INPP5A: variants seen among roughly 807,000 people sequenced by gnomAD.
INPP5A encodes 43 kDa inositol polyphosphate 5-phophatase.
A neutral mutation model predicts 65.2 loss-of-function variants in INPP5A; 14 were observed. That is an observed-to-expected ratio of 0.21 (90% CI 0.14 to 0.34). INPP5A has a LOEUF of 0.34. INPP5A is among the 10% of genes least tolerant of loss of function. The pLI is 1.00. For missense variants in INPP5A, 431 were observed against 545.6 expected (o/e 0.79, Z 2.09); for synonymous variants, 207 against 208.3 (o/e 0.99, Z 0.05).
chr10:132,670,927 C>A (rs12266208), intron 4 of INPP5A, among the ~76,000 whole-genome samples: 1 of 148,424 alleles, frequency 6.7e-6, no homozygotes, highest in East Asian at 2.0e-4. Flanking sequence ...AAACTGCAAA[C>A]GGCGGTGACG....
intron 8 of INPP5A, among the ~76,000 whole-genome samples, chr10:132,711,951 A>T (rs922922069): frequency 6.6e-6 from 1 of 152,090 alleles, no homozygotes; most frequent in African/African-American, 2.4e-5. Context: ...GTCCATGTGG[A>T]GGGGTCCGTG....
chr10:132,623,110 C>T (rs1254702492), intron 2 of INPP5A, among the ~76,000 whole-genome samples: 1 of 152,168 alleles, frequency 6.6e-6, no homozygotes, highest in East Asian at 1.9e-4. Flanking sequence ...AAAATCTCAG[C>T]AGGATTTTTT....
chr10:132,681,694 A>G (rs2073047963), intron 4 of INPP5A, among the ~76,000 whole-genome samples: 1 of 152,232 alleles, frequency 6.6e-6, no homozygotes, highest in African/African-American at 2.4e-5. Context: ...TTATTCAAAA[A>G]GTTAAAAATA....
intron 6 of INPP5A, among the ~76,000 whole-genome samples, chr10:132,699,032 T>C (rs1480659512): frequency 6.6e-6 from 1 of 152,232 alleles, no homozygotes; most frequent in African/African-American, 2.4e-5. Context: ...TCGGTCCTGC[T>C]TCCGGCACCG....
chr10:132,680,605 T>C (rs2073029484), intron 4 of INPP5A, among the ~76,000 whole-genome samples: 1 of 152,234 alleles, frequency 6.6e-6, no homozygotes, highest in Non-Finnish European at 1.5e-5. Flanking sequence ...TGGGAGCCCC[T>C]TTCTGGGCTG....
intron 1 of INPP5A, among the ~76,000 whole-genome samples, chr10:132,600,336 G>C (rs1179316318): frequency 6.6e-6 from 1 of 152,142 alleles, no homozygotes. Flanking sequence ...TAGGGCACGG[G>C]CAAAATGCTG....
In INPP5A at chr10:132,637,811, T is replaced by G. The variant is rs189621818; in HGVS notation, c.118-8057T>G. Among the ~76,000 whole-genome samples the G allele has an allele frequency of 2.0e-5, 3 of 152,316 alleles. No homozygotes were observed. The highest frequency in any genetic ancestry group is 7.2e-5 in the African/African-American group (3 of 41,562). ...CTCGACTGCTTGAGTAGATTTGATT[T>G]TATCTGCAATGTGGGCTCCCGTCCT... On this transcript the variant is annotated intron_variant, in intron 2 of 15. Coordinates refer to ENST00000368594, the MANE Select transcript of INPP5A (RefSeq NM_005539.5). The surrounding 1 kb of genome is among the most constrained non-coding windows in gnomAD (Gnocchi z 4.1).
chr10:132,740,376 T>G (rs1373435664), intron 9 of INPP5A, among the ~76,000 whole-genome samples: 7 of 152,108 alleles, frequency 4.6e-5, no homozygotes, highest in African/African-American at 1.4e-4. Context: ...TGGGAGCCTC[T>G]TAGTGAATTC....
rs183895166 is a variant in INPP5A, at chr10:132,578,272, G to A, written c.76-29643G>A. Among the ~76,000 whole-genome samples, 157 of 152,222 alleles carry A rather than the reference G, an allele frequency of 1.0e-3. 1 individual carries two copies. Among genetic ancestry groups the A allele is most frequent in the Admixed American group, 1.8e-3 (28 of 15,296 alleles). On this transcript the variant is annotated intron_variant, in intron 1 of 15. Coordinates refer to ENST00000368594, the MANE Select transcript of INPP5A (RefSeq NM_005539.5). ...GCATTGAAGGTTCAAGGGTCCAGGCGCTCCACCTCTGCCCCTGTGGCTGTG... is the reference window on the plus strand; with the variant it reads ...GCATTGAAGGTTCAAGGGTCCAGGCACTCCACCTCTGCCCCTGTGGCTGTG...
intron 4 of INPP5A, among the ~76,000 whole-genome samples, chr10:132,690,153 C>T (rs370580607): frequency 6.6e-6 from 1 of 152,250 alleles, no homozygotes; most frequent in African/African-American, 2.4e-5. Context: ...GTGGGACTTG[C>T]GTCCCTGCTG....
rs553540586 is a variant in INPP5A at position 132,749,489 on chromosome 10, A to G, written c.733-28A>G. ...CCATGGGCAGGTGGGCCCCCCTGGGACTTATCTCCGTTGCTGTCTTTCTGC... is the reference window on the plus strand; with the variant it reads ...CCATGGGCAGGTGGGCCCCCCTGGGGCTTATCTCCGTTGCTGTCTTTCTGC... On this transcript the variant is annotated intron_variant, in intron 9 of 15. Transcript: ENST00000368594. The G allele has an allele frequency of 5.0e-6, 8 of 1,607,882 alleles. No individual in the cohort carries two copies. The East Asian group carries it at 1.1e-4, about 22-fold the overall frequency.
intron 1 of INPP5A, among the ~76,000 whole-genome samples, chr10:132,572,431 G>T (rs2071355497): frequency 6.6e-6 from 1 of 152,194 alleles, no homozygotes. Context: ...TTCTGGGGGT[G>T]GGGCCTTTCG....
chr10:132,584,421 T>C (rs1590847192), intron 1 of INPP5A, among the ~76,000 whole-genome samples: 1 of 152,218 alleles, frequency 6.6e-6, no homozygotes, highest in Admixed American at 6.5e-5. Context: ...TAGATAAAAG[T>C]TTTCTATTCA....
At chr10:132,710,655 G>A (rs1306888661) in intron 8 of INPP5A, among the ~76,000 whole-genome samples, 199 bp downstream of exon 8, 1 of 151,406 alleles carries the variant, frequency 6.6e-6, no homozygotes, top group Non-Finnish European at 1.5e-5. Context: ...GGGCAGGTAG[G>A]TGTGAGTGGA....
intron 2 of INPP5A, among the ~76,000 whole-genome samples, chr10:132,608,338 G>A (rs570341279): frequency 1.1e-3 from 174 of 152,364 alleles, no homozygotes; most frequent in African/African-American, 2.3e-3. Flanking sequence ...TCCGTGCAGC[G>A]CACTCTGTGC....
chr10:132,755,560 A>G (rs1233356567), intron 11 of INPP5A, among the ~76,000 whole-genome samples: 44 of 107,640 alleles, frequency 4.1e-4, no homozygotes, highest in South Asian at 7.0e-4. Flanking sequence ...GGGTGTGTGC[A>G]TGAGAGCAGG....
chr10:132,721,166 C>CT (rs772365773), intron 8 of INPP5A, among the ~76,000 whole-genome samples: 28 of 150,610 alleles, frequency 1.9e-4, no homozygotes, highest in Non-Finnish European at 3.8e-4. Context: ...CCATAGACGG[C>CT]TGTCTTCAGG....
intron 11 of INPP5A, among the ~76,000 whole-genome samples, chr10:132,755,886 C>T (rs1590988527): frequency 1.3e-5 from 2 of 152,118 alleles, no homozygotes; most frequent in South Asian, 2.1e-4. Context: ...GAAGCCATCC[C>T]CTGCAGTCCA....
chr10:132,670,429 A>G (rs1292983951), intron 4 of INPP5A, among the ~76,000 whole-genome samples: 1 of 34,040 alleles, frequency 2.9e-5, no homozygotes, highest in Admixed American at 3.9e-4. Context: ...CCCGCACCTG[A>G]CCCCCACACC....
Sources: gnomAD v4.1 joint callset for allele counts (sites outside exome capture counted in the v4.1 genomes callset) on GRCh38, gnomAD v4.1.1 for gene constraint, Gnocchi (gnomAD v3.1) non-coding constraint, MANE v1.5 for transcripts, NCBI Gene and HGNC (gene_info 2026-07-23, HGNC 2026-07-21) for gene names.